Variants in CDKAL1 observed in about 807,000 individuals in gnomAD.
CDKAL1 encodes the protein CDKAL1 threonylcarbamoyladenosine tRNA methylthiotransferase.
CDKAL1 carries 32 observed loss-of-function variants against 68.2 expected under a neutral mutation model. The ratio of observed to expected loss-of-function variants is 0.47; its 90% CI spans 0.35 to 0.63. CDKAL1 has a LOEUF of 0.63. CDKAL1 is among the 30% of genes least tolerant of loss of function. CDKAL1 has a pLI of 0.00. For synonymous variants in CDKAL1, 234 were observed against 244.3 expected, an observed-to-expected ratio of 0.96 and a Z score of 0.39; for missense variants, 606 against 696.7, an observed-to-expected ratio of 0.87 and a Z score of 1.47.
intron 9 of CDKAL1, among the ~76,000 whole-genome samples, chr6:20,948,818 G>T (rs1275659641): frequency 6.6e-6 from 1 of 152,120 alleles, no homozygotes; most frequent in Non-Finnish European, 1.5e-5. Flanking sequence ...GCTTCATTGA[G>T]GCTTATTACA....
rs1417134653 is a variant in CDKAL1 at position 21,144,648 on chromosome 6, G to C, written c.1299+36185G>C. Reference sequence around the variant, plus strand: ...AAAAATACCAAAAAAAAAAAAAAAAGAATTAGCTGGGTGTGGTGGCATGTA... The same window carrying C: ...AAAAATACCAAAAAAAAAAAAAAAACAATTAGCTGGGTGTGGTGGCATGTA... On this transcript the variant is annotated intron_variant, in intron 13 of 15. Coordinates refer to ENST00000274695, the MANE Select transcript of CDKAL1 (RefSeq NM_017774.3). 8.7e-5 allele frequency among the ~76,000 whole-genome samples: 11 copies of C among 125,830 alleles called. No homozygotes were observed. In the South Asian group the frequency reaches 2.0e-3, roughly 23 times the overall value. 82.5% of individuals were successfully genotyped at this position (125,830 alleles called of 152,430 possible).
chr6:20,876,232 C>A (rs1760506951), intron 9 of CDKAL1, among the ~76,000 whole-genome samples: 2 of 152,166 alleles, frequency 1.3e-5, no homozygotes, highest in Admixed American at 1.3e-4. Context: ...TTAAAACTGG[C>A]AGAGCTGGAC....
chr6:21,208,924 T>A (rs1336989156), intron 15 of CDKAL1, among the ~76,000 whole-genome samples: 2 of 152,222 alleles, frequency 1.3e-5, no homozygotes, highest in Non-Finnish European at 2.9e-5. Context: ...CAAAGTATCA[T>A]CAGAGCAAGC....
intron 9 of CDKAL1, among the ~76,000 whole-genome samples, chr6:20,928,514 G>T (rs1763281351): frequency 6.6e-6 from 1 of 151,954 alleles, no homozygotes; most frequent in African/African-American, 2.4e-5. Flanking sequence ...TATCAAAGGG[G>T]ATCTCTAATC....
chr6:20,974,019 G>GA lies in CDKAL1; in HGVS notation c.909+18436dup, dbSNP rs1765724888. On this transcript the variant is annotated intron_variant, in intron 10 of 15. Transcript: ENST00000274695. ...AAAACGCTTACATTAGGGAAAACGT[G>GA]AAGAGGATAAAACAAAGAGGCCCCA... 2.0e-5 allele frequency among the ~76,000 whole-genome samples: 3 copies of GA among 152,364 alleles called. No homozygotes were observed. The East Asian group carries it at 5.8e-4, about 29-fold the overall frequency.
In CDKAL1 at chr6:21,192,534, T is replaced by C. The variant is rs187178668; in HGVS notation, c.1300-5487T>C. Among the ~76,000 whole-genome samples, 4 of 149,934 alleles carry C rather than the reference T, an allele frequency of 2.7e-5. No individual in the cohort carries two copies. The East Asian group carries it at 7.7e-4, about 29-fold the overall frequency. On this transcript the variant is annotated intron_variant, in intron 13 of 15. Transcript: ENST00000274695. ...AGGAATAAGCTCTGAAGGTAAGAAT[T>C]GTCCCTTACTTCAGAGAGCTACAAT...
chr6:20,987,577 A>G (rs1246034562), intron 10 of CDKAL1, among the ~76,000 whole-genome samples: 5 of 152,116 alleles, frequency 3.3e-5, no homozygotes, highest in Non-Finnish European at 7.4e-5. Flanking sequence ...TTTATCTTTA[A>G]AAATTGAACT....
chr6:21,198,428 C>A (rs896154875), intron 14 of CDKAL1, among the ~76,000 whole-genome samples: 5 of 152,180 alleles, frequency 3.3e-5, no homozygotes, highest in African/African-American at 1.2e-4. Context: ...GAAAGTCCTG[C>A]TCAGACCACA....
intron 9 of CDKAL1, among the ~76,000 whole-genome samples, chr6:20,851,857 A>G (rs189003363): frequency 2.6e-5 from 4 of 152,030 alleles, no homozygotes; most frequent in African/African-American, 7.2e-5. Context: ...TTGATTTTCT[A>G]TTGTATAAGC....
intron 9 of CDKAL1, among the ~76,000 whole-genome samples, chr6:20,914,117 G>A (rs992083832): frequency 4.6e-5 from 7 of 151,624 alleles, no homozygotes; most frequent in Non-Finnish European, 7.4e-5. Flanking sequence ...GTGAAACCCC[G>A]TCTCTACTAA....
At chr6:21,070,645 T>C (rs778110759) in intron 12 of CDKAL1, among the ~76,000 whole-genome samples, 2 of 152,200 alleles carry the variant, frequency 1.3e-5, no homozygotes, top group East Asian at 1.9e-4. Context: ...TCTTCAGATA[T>C]ATATTCTACT....
At chr6:20,912,856 A>G (rs1187968834) in intron 9 of CDKAL1, among the ~76,000 whole-genome samples, 1 of 152,182 alleles carries the variant, frequency 6.6e-6, no homozygotes, top group African/African-American at 2.4e-5. Context: ...CTTTAAAATA[A>G]GATGTTGTTA....
chr6:20,598,748 G>A (rs1765950866), intron 4 of CDKAL1, among the ~76,000 whole-genome samples: 1 of 152,106 alleles, frequency 6.6e-6, no homozygotes, highest in Non-Finnish European at 1.5e-5. Flanking sequence ...TAAGATTTCT[G>A]CCTCTGGAAG....
chr6:20,694,846 G>C (rs1009351888), intron 5 of CDKAL1, among the ~76,000 whole-genome samples: 2 of 152,300 alleles, frequency 1.3e-5, no homozygotes, highest in East Asian at 3.9e-4. Context: ...AGTCCTCACA[G>C]TAATGAGTGG....
intron 11 of CDKAL1, among the ~76,000 whole-genome samples, chr6:21,011,082 A>G (rs1767989206): frequency 7.8e-6 from 1 of 128,986 alleles, no homozygotes; most frequent in African/African-American, 2.9e-5. Context: ...TCTCCATCTC[A>G]AAAAAAAAAA....
chr6:20,568,748 AAACAAAAAAAC>A (rs1561931884), intron 4 of CDKAL1, among the ~76,000 whole-genome samples: 1 of 81,512 alleles, frequency 1.2e-5, no homozygotes, highest in Non-Finnish European at 2.4e-5. Flanking sequence ...AAAAAAAAAA[AAACAAAAAAAC>A]AAAAAAACAA....
At chr6:20,992,026 C>CTTTTT (rs71530400) in intron 10 of CDKAL1, among the ~76,000 whole-genome samples, 1 of 77,710 alleles carries the variant, frequency 1.3e-5, no homozygotes, top group African/African-American at 4.0e-5. Context: ...CTTTTTTTTT[C>CTTTTT]TTTTCTTTTT....
intron 11 of CDKAL1, among the ~76,000 whole-genome samples, chr6:21,008,806 A>C (rs537957556): frequency 6.6e-6 from 1 of 152,190 alleles, no homozygotes; most frequent in South Asian, 2.1e-4. Context: ...AATGGCACTT[A>C]ACTCTGGAAC....
chr6:20,809,802 A>G (rs1282037380), intron 8 of CDKAL1, among the ~76,000 whole-genome samples: 1 of 152,216 alleles, frequency 6.6e-6, no homozygotes, highest in Non-Finnish European at 1.5e-5. Context: ...TGATTGGTGT[A>G]TCCTGACTTT....
Sources: allele counts gnomAD v4.1 joint callset (sites outside exome capture counted in the v4.1 genomes callset), GRCh38; gene constraint gnomAD v4.1.1; transcripts MANE v1.5; gene names NCBI Gene and HGNC (gene_info 2026-07-23, HGNC 2026-07-21).